DPP10: variants seen among roughly 807,000 people sequenced by gnomAD.
The protein encoded by DPP10 is inactive dipeptidyl peptidase 10.
A neutral mutation model predicts 120.9 loss-of-function variants in DPP10; 33 were observed. That is an observed-to-expected ratio of 0.27 (90% CI 0.21 to 0.37). DPP10 has a LOEUF of 0.37. Ranked by LOEUF, DPP10 falls within the 10% of genes least tolerant of loss-of-function variation. DPP10 has a pLI of 1.00. For missense variants in DPP10, 816 were observed against 942.8 expected (o/e 0.87, Z 1.76); for synonymous variants, 337 against 326.1 (o/e 1.03, Z -0.36).
intron 1 of DPP10, among the ~76,000 whole-genome samples, chr2:114,959,182 C>G (rs1698432151): frequency 6.6e-6 from 1 of 152,154 alleles, no homozygotes; most frequent in Non-Finnish European, 1.5e-5. Context: ...CTCTAAAACA[C>G]AGTTTTATTG....
At chr2:115,817,356 T>C (rs1239050858) in intron 21 of DPP10, among the ~76,000 whole-genome samples, 2 of 152,236 alleles carry the variant, frequency 1.3e-5, no homozygotes, top group Admixed American at 1.3e-4. Context: ...TGATATTTTC[T>C]ACTATTCATA....
At chr2:115,612,544 G>A (rs529442850) in intron 5 of DPP10, among the ~76,000 whole-genome samples, 4 of 151,910 alleles carry the variant, frequency 2.6e-5, no homozygotes, top group South Asian at 2.1e-4. Context: ...TATCTCCCTC[G>A]TTCTTACCAA....
chr2:115,827,429 T>TAC (rs1688476602), intron 21 of DPP10, among the ~76,000 whole-genome samples: 1 of 142,386 alleles, frequency 7.0e-6, no homozygotes, highest in African/African-American at 2.6e-5. Flanking sequence ...TATATATATA[T>TAC]ATATATATAT....
intron 1 of DPP10, among the ~76,000 whole-genome samples, chr2:114,971,584 TAAAC>T (rs898224956): frequency 1.3e-5 from 2 of 152,088 alleles, no homozygotes; most frequent in Non-Finnish European, 2.9e-5. Flanking sequence ...TGCTGTGACA[TAAAC>T]AAAATTATAC....
Position 115,251,824 on chromosome 2 carries a change from T to C in DPP10, c.61-57415T>C, listed in dbSNP as rs142260560. Among the ~76,000 whole-genome samples, 57 of 152,326 alleles carry C rather than the reference T, an allele frequency of 3.7e-4. 1 individual carries two copies. Among genetic ancestry groups the C allele is most frequent in the Middle Eastern group, 3.4e-3 (1 of 294 alleles). On this transcript the variant is annotated intron_variant, in intron 1 of 25. Transcript: ENST00000410059. ...GGTTACAATGTGATAGAAAAGTGTATATTTATAAAATATTCTAAGTTATTT... is the reference window on the plus strand; with the variant it reads ...GGTTACAATGTGATAGAAAAGTGTACATTTATAAAATATTCTAAGTTATTT...
At chr2:115,408,865 A>G (rs967040422) in intron 3 of DPP10, among the ~76,000 whole-genome samples, 3 of 152,114 alleles carry the variant, frequency 2.0e-5, no homozygotes, top group Admixed American at 2.0e-4. Flanking sequence ...AAACATAAAA[A>G]ATTTAATGTT....
intron 1 of DPP10, among the ~76,000 whole-genome samples, chr2:114,603,227 T>G (rs1430386474): frequency 6.6e-6 from 1 of 152,072 alleles, no homozygotes; most frequent in Non-Finnish European, 1.5e-5. Flanking sequence ...ATATCTCATT[T>G]TAATAACAAC....
At position 114,628,018 on chromosome 2, in the gene DPP10, T is replaced by C. The variant is rs1209454154; in HGVS notation, c.60+185180T>C. 2.0e-5 allele frequency among the ~76,000 whole-genome samples: 3 copies of C among 152,268 alleles called. No homozygotes were observed. The South Asian group carries it at 6.2e-4, about 32-fold the overall frequency. Reference sequence around the variant, plus strand: ...GATCTTGGATTTTGCAGATTACTGATGAAAACATTTTTTGGAGATATAAGG... The same window carrying C: ...GATCTTGGATTTTGCAGATTACTGACGAAAACATTTTTTGGAGATATAAGG... On this transcript the variant is annotated intron_variant, in intron 1 of 25. Coordinates refer to ENST00000410059, the MANE Select transcript of DPP10 (RefSeq NM_020868.6).
chr2:114,631,746 C>T (rs1323029817), intron 1 of DPP10, among the ~76,000 whole-genome samples: 1 of 152,078 alleles, frequency 6.6e-6, no homozygotes, highest in Non-Finnish European at 1.5e-5. Flanking sequence ...CTTTCAGGAC[C>T]ACACTACCAT....
At chr2:115,223,894 A>C (rs2057304472) in intron 1 of DPP10, among the ~76,000 whole-genome samples, 1 of 152,172 alleles carries the variant, frequency 6.6e-6, no homozygotes, top group South Asian at 2.1e-4. Flanking sequence ...ATAAATCATG[A>C]TATATCAATA....
intron 1 of DPP10, among the ~76,000 whole-genome samples, chr2:115,174,096 TAAG>T (rs989007624): frequency 2.0e-5 from 3 of 152,324 alleles, no homozygotes; most frequent in South Asian, 2.1e-4. Flanking sequence ...GCAGGTTTAA[TAAG>T]AAGATGTATT....
intron 1 of DPP10, among the ~76,000 whole-genome samples, chr2:114,455,061 A>C (rs1416430661): frequency 6.6e-6 from 1 of 152,104 alleles, no homozygotes; most frequent in Non-Finnish European, 1.5e-5. Context: ...ATTTTATTTG[A>C]TATATAATCA....
chr2:115,830,174 G>T (rs1406896631), intron 21 of DPP10, among the ~76,000 whole-genome samples: 8 of 151,854 alleles, frequency 5.3e-5, no homozygotes, highest in African/African-American at 1.9e-4. Context: ...TGGCCAACAT[G>T]GTGAAACCCC....
intron 1 of DPP10, among the ~76,000 whole-genome samples, chr2:114,505,858 C>G (rs1194857578): frequency 6.6e-6 from 1 of 152,222 alleles, no homozygotes; most frequent in Admixed American, 6.5e-5. Context: ...TACAGTTTAT[C>G]ATTTCATTGT....
At chr2:115,664,960 C>T (rs1575473683) in intron 5 of DPP10, among the ~76,000 whole-genome samples, 1 of 152,070 alleles carries the variant, frequency 6.6e-6, no homozygotes, top group Non-Finnish European at 1.5e-5. Context: ...GTGCTCTAGT[C>T]GCCTATGGCT....
At chr2:115,006,636 G>GT (rs1458446948) in intron 1 of DPP10, among the ~76,000 whole-genome samples, 1 of 148,176 alleles carries the variant, frequency 6.7e-6, no homozygotes, top group African/African-American at 2.5e-5. Context: ...ATTACATAAT[G>GT]GTAAAGGGAT....
At chr2:115,766,575 A>G (rs1680793062) in intron 12 of DPP10, among the ~76,000 whole-genome samples, 3 of 151,966 alleles carry the variant, frequency 2.0e-5, no homozygotes, top group Admixed American at 2.0e-4. Flanking sequence ...ATACATACAC[A>G]AATTATACGT....
intron 1 of DPP10, among the ~76,000 whole-genome samples, chr2:115,107,105 A>T (rs906791274): frequency 8.6e-5 from 13 of 151,898 alleles, no homozygotes; most frequent in Non-Finnish European, 1.6e-4. Flanking sequence ...TTAAACCAAC[A>T]ATTTTCTATA....
intron 1 of DPP10, among the ~76,000 whole-genome samples, chr2:115,254,512 C>T (rs564418809): frequency 3.2e-4 from 49 of 152,306 alleles, no homozygotes; most frequent in Admixed American, 7.2e-4. Flanking sequence ...AATGCAGTAA[C>T]GCCCTTCCAA....
Sources: allele counts gnomAD v4.1 joint callset (sites outside exome capture counted in the v4.1 genomes callset), GRCh38; gene constraint gnomAD v4.1.1; transcripts MANE v1.5; gene names NCBI Gene and HGNC (gene_info 2026-07-23, HGNC 2026-07-21).